TMEM68: variants seen among roughly 807,000 people sequenced by gnomAD.
TMEM68 encodes the protein DGAT1/2-independent enzyme synthesizing storage lipids.
TMEM68 carries 25 observed loss-of-function variants against 36.9 expected under a neutral mutation model. The observed-to-expected ratio is 0.68, with a 90% CI of 0.49 to 0.95. The LOEUF (loss-of-function observed/expected upper bound fraction) is 0.95, where lower values mean the gene tolerates loss of function less well. TMEM68 is among the 40% of genes least tolerant of loss of function. The pLI is 0.00. For missense variants in TMEM68, 333 were observed against 392.0 expected, an observed-to-expected ratio of 0.85 and a Z score of 1.27; for synonymous variants, 131 against 124.4, an observed-to-expected ratio of 1.05 and a Z score of -0.35.
chr8:55,756,245 T>C lies in TMEM68; in HGVS notation c.492A>G (p.Pro164=), dbSNP rs1311071266. 2.1e-5 allele frequency: 34 copies of C among 1,593,788 alleles called. No individual in the cohort carries two copies. Among genetic ancestry groups the C allele is most frequent in the Non-Finnish European group, 2.9e-5 (34 of 1,175,444 alleles). The change falls in exon 4 of 8, where the codon CCA becomes CCG. Residue 164 remains proline (P), a splice_region_variant and synonymous_variant. Coordinates refer to ENST00000434581, the MANE Select transcript of TMEM68 (RefSeq NM_001286657.2). ...VVADHFVFKI[P]GFSLLLDVFC... ...TTACTATCTACAGTGAAAGTTTACCTGGAATTTTAAAGACAAAGTGATCAG... is the reference window on the plus strand; with the variant it reads ...TTACTATCTACAGTGAAAGTTTACCCGGAATTTTAAAGACAAAGTGATCAG...
chr8:55,772,747 C>T (rs1811222951), intron 1 of TMEM68, among the ~76,000 whole-genome samples: 1 of 152,196 alleles, frequency 6.6e-6, no homozygotes, highest in South Asian at 2.1e-4. Flanking sequence ...CTGCCCAGGT[C>T]ACAAGGTAGG....
intron 6 of TMEM68, among the ~76,000 whole-genome samples, chr8:55,744,460 C>G (rs1440736136): frequency 6.6e-6 from 1 of 150,510 alleles, no homozygotes; most frequent in Admixed American, 6.6e-5. Context: ...TGCCCGCCAC[C>G]ACACCTAGCT....
At chr8:55,747,630 T>TTAA (rs1810321614) in intron 5 of TMEM68, 1 of 145,646 alleles carries the variant, frequency 6.9e-6, no homozygotes, top group Non-Finnish European at 1.5e-5. Flanking sequence ...TACCTGGCCT[T>TTAA]TAATTATTAT....
At chr8:55,773,199 G>C (rs1304213354) in intron 1 of TMEM68, 70 bp downstream of exon 1, 1 of 153,336 alleles carries the variant, frequency 6.5e-6, no homozygotes, top group Non-Finnish European at 1.5e-5. Flanking sequence ...CCCGATGCCG[G>C]GCTGGAGAAG....
Position 55,756,228 on chromosome 8 carries a change from T to C in TMEM68, c.493+16A>G. The stretch of plus-strand genomic sequence containing the variant: ...AATAAAACATTTTTACATTACTATC[T>C]ACAGTGAAAGTTTACCTGGAATTTT... On this transcript the variant is annotated intron_variant, in intron 4 of 7. Transcript: ENST00000434581. The C allele has an allele frequency of 6.3e-7, 1 of 1,594,140 alleles. No homozygotes were observed. The highest frequency in any genetic ancestry group is 8.5e-7 in the Non-Finnish European group (1 of 1,174,402).
At chr8:55,768,921 G>T (rs182682295) in intron 1 of TMEM68, among the ~76,000 whole-genome samples, 2 of 151,166 alleles carry the variant, frequency 1.3e-5, no homozygotes, top group East Asian at 3.9e-4. Flanking sequence ...GAGGCTGAAG[G>T]GGGAGGATCA....
In TMEM68 at chr8:55,739,919, C is replaced by A. The variant is rs1057304385; in HGVS notation, c.*213G>T. 81 of 464,610 alleles carry A rather than the reference C, an allele frequency of 1.7e-4. No homozygotes were observed. Among genetic ancestry groups the A allele is most frequent in the Middle Eastern group, 5.7e-4 (1 of 1,746 alleles). The allele number at this position is 464,610 out of a possible 1,614,324, so 28.8% of individuals were successfully genotyped here. A position where few individuals can be genotyped will look rare whatever the true frequency, so the allele number is the denominator to read the frequency against. On this transcript the variant is annotated 3_prime_UTR_variant, in exon 8 of 8. Coordinates refer to ENST00000434581, the MANE Select transcript of TMEM68 (RefSeq NM_001286657.2). The stretch of plus-strand genomic sequence containing the variant: ...GAATTTACAAATAAGACATCTTTTT[C>A]TGAATTACTAGGTGTGTAATTTGTT...
chr8:55,770,830 C>T (rs1275848597), intron 1 of TMEM68, among the ~76,000 whole-genome samples: 2 of 152,120 alleles, frequency 1.3e-5, no homozygotes, highest in African/African-American at 4.8e-5. Context: ...ATCTTAATTT[C>T]CCTATCTGGA....
chr8:55,772,485 A>G (rs928051593), intron 1 of TMEM68, among the ~76,000 whole-genome samples: 1 of 152,182 alleles, frequency 6.6e-6, no homozygotes, highest in African/African-American at 2.4e-5. Flanking sequence ...ATTTATGCCC[A>G]CATGAACTTT....
chr8:55,762,728 T>G lies in TMEM68; in HGVS notation c.232A>C (p.Asn78His). 3 of 1,614,048 alleles carry G rather than the reference T, an allele frequency of 1.9e-6. No individual in the cohort carries two copies. The highest frequency in any genetic ancestry group is 2.5e-6 in the Non-Finnish European group (3 of 1,179,972). The change falls in exon 3 of 8, where the codon AAT (asparagine) becomes CAT (histidine). Residue 78 changes from asparagine (N) to histidine (H), a missense_variant. Physicochemically the swap from Asn to His is moderately conservative, Grantham distance 68 (BLOSUM62 1). Transcript: ENST00000434581. ...TGAGAGTAGGCTTCTTTCAATACAT[T>G]CTTTCTCTTATAAATGTGTAAGAAA... ...IIFLHIYKRKNVLKEAYSHNL... is the reference protein window; with the variant it reads ...IIFLHIYKRKHVLKEAYSHNL...
chr8:55,752,757 C>T (rs1810459500), intron 4 of TMEM68, among the ~76,000 whole-genome samples: 1 of 130,784 alleles, frequency 7.6e-6, no homozygotes. Context: ...CAGGGCCTTG[C>T]TCTGTCACCC....
rs1810017207 is a variant in TMEM68, at chr8:55,739,019, G to A, written c.*1113C>T. The A allele has an allele frequency of 6.6e-6, 1 of 152,616 alleles. No individual in the cohort carries two copies. The highest frequency in any genetic ancestry group is 6.5e-5 in the Admixed American group (1 of 15,280). The allele number at this position is 152,616 out of a possible 1,614,324, so 9.5% of individuals were successfully genotyped here. ...AGGCTGGGCATGGTGGCTCACACCT[G>A]TAATCCCAGCAAGTTGGGAGGCTGA... On this transcript the variant is annotated 3_prime_UTR_variant, in exon 8 of 8. Coordinates refer to ENST00000434581, the MANE Select transcript of TMEM68 (RefSeq NM_001286657.2).
intron 1 of TMEM68, among the ~76,000 whole-genome samples, chr8:55,766,154 T>C (rs1810956929): frequency 1.3e-5 from 2 of 152,116 alleles, no homozygotes; most frequent in Admixed American, 6.5e-5. Flanking sequence ...TGCTATGTTA[T>C]ATAAGGCATT....
Position 55,739,203 on chromosome 8 carries a change from T to G in TMEM68, c.*929A>C, listed in dbSNP as rs1484603469. The G allele has an allele frequency of 1.3e-5, 2 of 152,646 alleles. No homozygotes were observed. The highest frequency in any genetic ancestry group is 2.9e-5 in the Non-Finnish European group (2 of 68,036). The allele number at this position is 152,646 out of a possible 1,614,324, so 9.5% of individuals were successfully genotyped here. A position where few individuals can be genotyped will look rare whatever the true frequency, so the allele number is the denominator to read the frequency against. Reference sequence around the variant, plus strand: ...CACTTCACTGGCTGTAGAGTCAAACTGGGTAAGCCTCAATATTGAGCAAAA... The same window carrying G: ...CACTTCACTGGCTGTAGAGTCAAACGGGGTAAGCCTCAATATTGAGCAAAA... On this transcript the variant is annotated 3_prime_UTR_variant, in exon 8 of 8. Transcript: ENST00000434581.
chr8:55,766,062 G>A (rs1810952997), intron 1 of TMEM68, among the ~76,000 whole-genome samples: 1 of 152,164 alleles, frequency 6.6e-6, no homozygotes, highest in Non-Finnish European at 1.5e-5. Context: ...ATGATGACAG[G>A]TGCTAGGGAG....
Position 55,762,663 on chromosome 8 carries a change from C to A in TMEM68, c.297G>T (p.Leu99=), listed in dbSNP as rs774671518. Residue 99 remains leucine, a synonymous_variant, in exon 3 of 8, where the codon CTG becomes CTT. Transcript: ENST00000434581. ...WDGARKTVAT[L]WDGHAAVWHG... ...GCCAAACGGCTGCATGTCCATCCCA[C>A]AGAGTTGCCACTGTTTTCCTTGCAC... The A allele has an allele frequency of 1.9e-6, 3 of 1,614,218 alleles. No individual in the cohort carries two copies. Among genetic ancestry groups the A allele is most frequent in the Non-Finnish European group, 2.5e-6 (3 of 1,180,038 alleles).
chr8:55,761,003 A>G (rs946418323), intron 3 of TMEM68: 11 of 152,222 alleles, frequency 7.2e-5, no homozygotes, highest in African/African-American at 2.4e-4. Flanking sequence ...CTCTGGTTTT[A>G]CAGAGTATTT....
intron 7 of TMEM68, among the ~76,000 whole-genome samples, chr8:55,741,581 A>G (rs1810103899): frequency 6.6e-6 from 1 of 152,232 alleles, no homozygotes; most frequent in Non-Finnish European, 1.5e-5. Context: ...GAAAGTGTTC[A>G]GAAGTTCAGA....
intron 3 of TMEM68, among the ~76,000 whole-genome samples, chr8:55,758,384 TACAA>T (rs777841701): frequency 4.2e-4 from 64 of 152,144 alleles, no homozygotes; most frequent in Non-Finnish European, 8.1e-4. Flanking sequence ...GTCATTCTTT[TACAA>T]ACAATGGCCA....
Sources: gnomAD v4.1 joint callset for allele counts (sites outside exome capture counted in the v4.1 genomes callset) on GRCh38, gnomAD v4.1.1 for gene constraint, MANE v1.5 for transcripts, NCBI Gene and HGNC (gene_info 2026-07-23, HGNC 2026-07-21) for gene names.